Variants in CTNNA2 observed in about 807,000 individuals in gnomAD.
CTNNA2 encodes catenin alpha-2.
A neutral mutation model predicts 101.0 loss-of-function variants in CTNNA2; 42 were observed. The ratio of observed to expected loss-of-function variants is 0.42; its 90% CI spans 0.32 to 0.54. CTNNA2 has a LOEUF of 0.54. Among genes scored for constraint, CTNNA2 ranks in the 20% least tolerant of loss-of-function variants. The pLI is 0.14. For missense variants in CTNNA2, 871 were observed against 1,223.1 expected, an observed-to-expected ratio of 0.71 and a Z score of 4.29; for synonymous variants, 450 against 456.4, an observed-to-expected ratio of 0.99 and a Z score of 0.18.
In CTNNA2 at chr2:79,372,688, C is replaced by T. The variant is rs140060840; in HGVS notation, c.-317-1143C>T. Among the ~76,000 whole-genome samples the T allele has an allele frequency of 4.2e-3, 635 of 152,210 alleles. 4 individuals are homozygous for T. The highest frequency in any genetic ancestry group is 4.5e-3 in the Non-Finnish European group (308 of 67,998). Reference sequence around the variant, plus strand: ...CAGGACAGATCCCTTGAATCAATACCTCCCCAGAATACAAAGACATTCAAC... The same window carrying T: ...CAGGACAGATCCCTTGAATCAATACTTCCCCAGAATACAAAGACATTCAAC... On this transcript the variant is annotated intron_variant, in intron 3 of 21. Coordinates refer to the CTNNA2 transcript ENST00000466387.
intron 3 of CTNNA2, among the ~76,000 whole-genome samples, chr2:79,783,158 G>A (rs1025584021): frequency 1.3e-5 from 2 of 152,142 alleles, no homozygotes; most frequent in Admixed American, 6.6e-5. Context: ...ACTTGCTGAG[G>A]GAGAACAAGT....
At chr2:79,578,169 T>C (rs1271498498) in intron 1 of CTNNA2, among the ~76,000 whole-genome samples, 1 of 152,200 alleles carries the variant, frequency 6.6e-6, no homozygotes, top group East Asian at 1.9e-4. Context: ...AGTACATATT[T>C]GATTACTTAT....
intron 2 of CTNNA2, among the ~76,000 whole-genome samples, chr2:79,256,238 G>A (rs1442563043): frequency 1.3e-5 from 2 of 152,084 alleles, no homozygotes; most frequent in African/African-American, 4.8e-5. Context: ...GAAACACACA[G>A]ATCATCAATT....
intron 3 of CTNNA2, among the ~76,000 whole-genome samples, chr2:79,745,979 C>T (rs72931224): frequency 0.039 from 5,999 of 152,180 alleles, 353 homozygotes; most frequent in African/African-American, 0.14. Flanking sequence ...AGCCTGCATG[C>T]TGTTTTCCAT....
chr2:80,119,289 C>T (rs908209516), intron 7 of CTNNA2, among the ~76,000 whole-genome samples: 21 of 152,164 alleles, frequency 1.4e-4, no homozygotes, highest in Non-Finnish European at 4.4e-5. Flanking sequence ...ATTTCCCTGA[C>T]TCTCTCCCTG....
chr2:79,250,984 A>G (rs933485824), intron 2 of CTNNA2, among the ~76,000 whole-genome samples: 1 of 152,134 alleles, frequency 6.6e-6, no homozygotes, highest in African/African-American at 2.4e-5. Context: ...TTTATTTGGG[A>G]AAAAAATGAT....
intron 1 of CTNNA2, among the ~76,000 whole-genome samples, chr2:79,626,414 C>T (rs948401176): frequency 5.3e-5 from 8 of 152,108 alleles, no homozygotes; most frequent in African/African-American, 1.9e-4. Context: ...AGAAAAATAA[C>T]CAAGTTTGTA....
At chr2:80,505,149 G>A (rs544739111) in intron 9 of CTNNA2, among the ~76,000 whole-genome samples, 4 of 152,250 alleles carry the variant, frequency 2.6e-5, no homozygotes, top group African/African-American at 9.6e-5. Flanking sequence ...ATGAATAAAT[G>A]AATAAATAAA....
chr2:80,560,787 GT>G (rs1218076529), intron 12 of CTNNA2, among the ~76,000 whole-genome samples: 1 of 152,138 alleles, frequency 6.6e-6, no homozygotes, highest in Non-Finnish European at 1.5e-5. Context: ...AGTATGGTAT[GT>G]CCTCTTCAGT....
intron 1 of CTNNA2, among the ~76,000 whole-genome samples, chr2:79,582,486 C>T (rs112755392): frequency 0.03 from 4,492 of 152,096 alleles, 91 homozygotes; most frequent in Non-Finnish European, 0.047. Context: ...ATTTTATCTC[C>T]GCATGCTCAA....
In CTNNA2 at chr2:80,125,808, T is replaced by G. The variant is rs146681725; in HGVS notation, c.1056+216011T>G. 7.0e-4 allele frequency among the ~76,000 whole-genome samples: 107 copies of G among 152,272 alleles called. No homozygotes were observed. The East Asian group carries it at 0.021, about 29-fold the overall frequency. On this transcript the variant is annotated intron_variant, in intron 7 of 18. Transcript: ENST00000402739. Reference sequence around the variant, plus strand: ...GGCACCATCCCTAATCTCTGCAGCCTGCTACAATGGAAATTTTTGTGTAAG... The same window carrying G: ...GGCACCATCCCTAATCTCTGCAGCCGGCTACAATGGAAATTTTTGTGTAAG...
intron 9 of CTNNA2, among the ~76,000 whole-genome samples, chr2:80,448,844 G>A (rs1683268581): frequency 1.3e-5 from 2 of 151,966 alleles, no homozygotes; most frequent in African/African-American, 4.8e-5. Flanking sequence ...ACAGGGCAGC[G>A]ATATTGCCTT....
At chr2:79,442,697 A>G (rs1369360141) in intron 4 of CTNNA2, among the ~76,000 whole-genome samples, 1 of 152,192 alleles carries the variant, frequency 6.6e-6, no homozygotes, top group Non-Finnish European at 1.5e-5. Context: ...ATTAGGTGGG[A>G]GATTCAAAAT....
At chr2:80,123,944 G>T (rs1225927333) in intron 7 of CTNNA2, among the ~76,000 whole-genome samples, 1 of 152,094 alleles carries the variant, frequency 6.6e-6, no homozygotes, top group Non-Finnish European at 1.5e-5. Context: ...TTGCATTTGG[G>T]CCCTGACCAA....
intron 7 of CTNNA2, among the ~76,000 whole-genome samples, chr2:80,024,088 GAAAAAAAAAA>G (rs1158051768): frequency 3.7e-5 from 2 of 54,736 alleles, no homozygotes; most frequent in Admixed American, 1.7e-4. Flanking sequence ...CTCCGTCTCA[GAAAAAAAAAA>G]AAAAAAAAAA....
chr2:80,043,087 CTTTCTTT>C (rs1696233241), intron 7 of CTNNA2, among the ~76,000 whole-genome samples: 1 of 17,432 alleles, frequency 5.7e-5, no homozygotes, highest in East Asian at 1.2e-3. Context: ...TTCTTTCTTT[CTTTCTTT>C]CTCTCTCTCT....
At chr2:80,140,936 A>G (rs2148909625) in intron 7 of CTNNA2, among the ~76,000 whole-genome samples, 1 of 152,280 alleles carries the variant, frequency 6.6e-6, no homozygotes, top group East Asian at 1.9e-4. Context: ...AACAGATGGA[A>G]GTTAACAGTG....
intron 2 of CTNNA2, among the ~76,000 whole-genome samples, chr2:79,239,183 C>A (rs1674592913): frequency 6.6e-6 from 1 of 152,072 alleles, no homozygotes; most frequent in Admixed American, 6.5e-5. Context: ...AACAAGAAAG[C>A]TGGAGGCATC....
At chr2:79,404,327 C>T (rs1045461046) in intron 4 of CTNNA2, among the ~76,000 whole-genome samples, 24 of 151,848 alleles carry the variant, frequency 1.6e-4, no homozygotes, top group African/African-American at 5.3e-4. Context: ...TTTCTTGTCC[C>T]CTCCCTCCCC....
Sources: allele counts gnomAD v4.1 joint callset (sites outside exome capture counted in the v4.1 genomes callset), GRCh38; gene constraint gnomAD v4.1.1; transcripts MANE v1.5; gene names NCBI Gene and HGNC (gene_info 2026-07-23, HGNC 2026-07-21).